Variants in NELL1 observed in about 807,000 individuals in gnomAD.
NELL1 encodes neural EGFL like 1.
NELL1 carries 76 observed loss-of-function variants against 107.4 expected under a neutral mutation model. The ratio of observed to expected loss-of-function variants is 0.71; its 90% confidence interval spans 0.59 to 0.86. The LOEUF (loss-of-function observed/expected upper bound fraction) is 0.86. NELL1 is among the 40% of genes least tolerant of loss of function. The pLI is 0.00. For missense variants in NELL1, 1,024 were observed against 1,005.5 expected, an observed-to-expected ratio of 1.02 and a Z score of -0.25; for synonymous variants, 353 against 341.2, an observed-to-expected ratio of 1.03 and a Z score of -0.38.
At chr11:20,915,848 G>A (rs1850243912) in intron 5 of NELL1, among the ~76,000 whole-genome samples, 1 of 149,646 alleles carries the variant, frequency 6.7e-6, no homozygotes, top group African/African-American at 2.5e-5. Context: ...ATCAGCAAAT[G>A]TCCTGGCAGT....
chr11:21,236,331 C>G (rs1436433958), intron 14 of NELL1, among the ~76,000 whole-genome samples: 2 of 152,120 alleles, frequency 1.3e-5, no homozygotes, highest in African/African-American at 4.8e-5. Flanking sequence ...TCAGTAAATA[C>G]ATAGATGCAA....
chr11:21,445,737 GTGT>G, intron 15 of NELL1, among the ~76,000 whole-genome samples: 1 of 152,314 alleles, frequency 6.6e-6, no homozygotes, highest in Non-Finnish European at 1.5e-5. Context: ...GACAGGTCTG[GTGT>G]TGCTGGTGTT....
At chr11:21,379,970 C>T (rs11026059) in intron 15 of NELL1, among the ~76,000 whole-genome samples, 49,596 of 151,856 alleles carry the variant, frequency 0.33, 8,516 homozygotes, top group African/African-American at 0.43. Flanking sequence ...ACTTATTCCC[C>T]TCCCATAACA....
intron 16 of NELL1, among the ~76,000 whole-genome samples, chr11:21,551,817 G>C (rs1183388288): frequency 2.6e-5 from 4 of 151,464 alleles, no homozygotes; most frequent in Admixed American, 2.6e-4. Flanking sequence ...AAATCATGCT[G>C]CTTTAAAGAC....
chr11:21,308,742 A>T (rs1417758208), intron 14 of NELL1, among the ~76,000 whole-genome samples: 3 of 151,994 alleles, frequency 2.0e-5, no homozygotes, highest in African/African-American at 7.2e-5. Context: ...CCATTTCCTT[A>T]TTACATTATC....
chr11:21,372,053 A>C (rs1039250761), intron 15 of NELL1, among the ~76,000 whole-genome samples: 1 of 152,074 alleles, frequency 6.6e-6, no homozygotes, highest in African/African-American at 2.4e-5. Flanking sequence ...TATTTGCACC[A>C]CTGTTTCTAT....
intron 13 of NELL1, among the ~76,000 whole-genome samples, chr11:21,205,733 C>A (rs1857376163): frequency 6.6e-6 from 1 of 152,226 alleles, no homozygotes; most frequent in African/African-American, 2.4e-5. Context: ...TTCTTAATAC[C>A]ATTCCTCAAC....
chr11:21,549,113 T>A (rs1258118669), intron 16 of NELL1, among the ~76,000 whole-genome samples: 1 of 151,740 alleles, frequency 6.6e-6, no homozygotes, highest in Non-Finnish European at 1.5e-5. Context: ...TCCAAGTGAG[T>A]GTTCACTCTT....
intron 13 of NELL1, among the ~76,000 whole-genome samples, chr11:21,185,159 A>T (rs1342265167): frequency 6.6e-6 from 1 of 151,778 alleles, no homozygotes; most frequent in East Asian, 1.9e-4. Context: ...GATAATTCAA[A>T]CATATTGTAA....
chr11:21,338,091 T>C (rs965727508), intron 14 of NELL1, among the ~76,000 whole-genome samples: 1 of 151,986 alleles, frequency 6.6e-6, no homozygotes, highest in Non-Finnish European at 1.5e-5. Flanking sequence ...TCAAACATGA[T>C]TCCTAACTTC....
rs557512213 is a variant in NELL1, at chr11:21,137,707, A to G, written c.1426+23993A>G. Reference sequence around the variant, plus strand: ...GCAGAATAAAGATGCTTAAGGCATCATTTCAGGCAGGCAGCATACAGGTGG... The same window carrying G: ...GCAGAATAAAGATGCTTAAGGCATCGTTTCAGGCAGGCAGCATACAGGTGG... On this transcript the variant is annotated intron_variant, in intron 13 of 19. Coordinates refer to ENST00000357134, the MANE Select transcript of NELL1 (RefSeq NM_006157.5). Among the ~76,000 whole-genome samples the G allele has an allele frequency of 2.4e-4, 36 of 152,340 alleles. 1 individual carries two copies. Among genetic ancestry groups the G allele is most frequent in the Middle Eastern group, 3.4e-3 (1 of 294 alleles).
chr11:21,118,841 G>A (rs1855297177), intron 13 of NELL1, among the ~76,000 whole-genome samples: 1 of 151,838 alleles, frequency 6.6e-6, no homozygotes, highest in Non-Finnish European at 1.5e-5. Flanking sequence ...TCAGTTTTTA[G>A]AAGTCAGTAG....
At chr11:21,459,518 T>C (rs1590949090) in intron 15 of NELL1, among the ~76,000 whole-genome samples, 1 of 151,942 alleles carries the variant, frequency 6.6e-6, no homozygotes, top group Admixed American at 6.6e-5. Flanking sequence ...ACTTGCTGGG[T>C]CAGGGGCATA....
At chr11:21,443,599 T>G (rs1286433450) in intron 15 of NELL1, among the ~76,000 whole-genome samples, 1 of 151,922 alleles carries the variant, frequency 6.6e-6, no homozygotes, top group Non-Finnish European at 1.5e-5. Context: ...TCCTTTAAAA[T>G]GGAAGTAGGT....
At chr11:20,756,189 T>C (rs1856283283) in intron 2 of NELL1, among the ~76,000 whole-genome samples, 1 of 151,868 alleles carries the variant, frequency 6.6e-6, no homozygotes. Flanking sequence ...CAGACCTGCA[T>C]TGTTTAATCG....
intron 2 of NELL1, among the ~76,000 whole-genome samples, chr11:20,731,669 G>T (rs1855647614): frequency 6.6e-6 from 1 of 152,284 alleles, no homozygotes; most frequent in South Asian, 2.1e-4. Flanking sequence ...AGCCGGGTAG[G>T]TTAGGTAACT....
chr11:21,014,315 G>A (rs1424474082), intron 12 of NELL1, among the ~76,000 whole-genome samples: 2 of 152,018 alleles, frequency 1.3e-5, no homozygotes, highest in Non-Finnish European at 2.9e-5. Flanking sequence ...AAATTCTTGG[G>A]GTAGAGCCAA....
In NELL1 at chr11:21,514,266, C is replaced by T. The variant is rs117576935; in HGVS notation, c.1646-20108C>T. On this transcript the variant is annotated intron_variant, in intron 15 of 19. Coordinates refer to ENST00000357134, the MANE Select transcript of NELL1 (RefSeq NM_006157.5). ...ATTTAAATTGATTTAAAATATTTGC[C>T]TTATAATTTTTAATTCCAAATTTTG... Among the ~76,000 whole-genome samples, 816 of 152,114 alleles carry T rather than the reference C, an allele frequency of 5.4e-3. 20 individuals carry two copies. Among genetic ancestry groups the T allele is most frequent in the East Asian group, 0.034 (177 of 5,174 alleles).
At chr11:20,875,265 C>G (rs189157253) in intron 4 of NELL1, among the ~76,000 whole-genome samples, 6 of 151,946 alleles carry the variant, frequency 3.9e-5, no homozygotes, top group Admixed American at 1.3e-4. Context: ...AACTTTGGAC[C>G]CTTTTCATTT....
Sources: allele counts gnomAD v4.1 joint callset (sites outside exome capture counted in the v4.1 genomes callset), GRCh38; gene constraint gnomAD v4.1.1; transcripts MANE v1.5; gene names NCBI Gene and HGNC (gene_info 2026-07-23, HGNC 2026-07-21).